Variants in DYM observed in about 807,000 individuals in gnomAD.
DYM encodes the protein dymeclin.
DYM carries 78 observed loss-of-function variants against 93.1 expected under a neutral mutation model. The ratio of observed to expected loss-of-function variants is 0.84; its 90% CI spans 0.70 to 1.01. DYM has a LOEUF of 1.01. Among genes scored for constraint, DYM ranks in the 50% least tolerant of loss-of-function variants. The pLI, the probability that DYM is intolerant of heterozygous loss-of-function variation, is 0.00. For missense variants in DYM, 789 were observed against 845.0 expected (o/e 0.93, Z 0.82); for synonymous variants, 321 against 319.7 (o/e 1.00, Z -0.04).
At chr18:49,442,335 A>G (rs1348930070) in intron 1 of DYM, among the ~76,000 whole-genome samples, 1 of 152,176 alleles carries the variant, frequency 6.6e-6, no homozygotes, top group African/African-American at 2.4e-5. Context: ...ACTTGAGCCC[A>G]GGACTTGGAG....
In DYM at chr18:49,333,816, T is replaced by G. The variant is rs763106797; in HGVS notation, c.532A>C (p.Thr178Pro). Residue 178 changes from threonine (T) to proline (P), a missense_variant, in exon 7 of 18, where the codon ACA (threonine) becomes CCA (proline). Coordinates refer to ENST00000675505, the MANE Select transcript of DYM (RefSeq NM_001353214.3). ...TYEISVEAISTMVVFLSCQLF... is the reference protein window; with the variant it reads ...TYEISVEAISPMVVFLSCQLF... ...TGGCAGGAAAGGAAAACAACCATTG[T>G]TGATATAGCTTCTACTGATATTTCA... The G allele has an allele frequency of 1.2e-6, 2 of 1,612,830 alleles. No individual in the cohort carries two copies. The highest frequency in any genetic ancestry group is 2.7e-5 in the African/African-American group (2 of 74,914).
At chr18:49,190,313 T>G (rs536665254) in intron 14 of DYM, among the ~76,000 whole-genome samples, 78 of 152,356 alleles carry the variant, frequency 5.1e-4, no homozygotes, top group Middle Eastern at 6.8e-3. Context: ...TTTAACATTT[T>G]ACAGAAAAGA....
At chr18:49,154,937 TG>T (rs2086231182) in intron 15 of DYM, among the ~76,000 whole-genome samples, 1 of 152,260 alleles carries the variant, frequency 6.6e-6, no homozygotes, top group Non-Finnish European at 1.5e-5. Context: ...CATACATGTA[TG>T]TATAAACTAC....
rs775458926 is a variant in DYM, at chr18:49,378,672, CAT to C, written c.314_315del (p.Asn105SerfsTer28). On this transcript the variant is annotated frameshift_variant, in exon 5 of 18. Coordinates refer to ENST00000675505, the MANE Select transcript of DYM (RefSeq NM_001353214.3). LOFTEE classifies it high-confidence loss of function. ...QNHIFIWQTH[N>X]ALFIICCLLK... ...AGCAAACAGCAAATAATAAACAAAG[CAT>C]TGTGTGTCTGCCAAATGAAGATGTG... is the stretch of plus-strand genomic sequence containing the variant. The C allele has an allele frequency of 6.2e-7, 1 of 1,613,244 alleles. No homozygotes were observed. Among genetic ancestry groups the C allele is most frequent in the South Asian group, 1.1e-5 (1 of 91,054 alleles).
At chr18:49,401,517 T>G (rs2070822059) in intron 2 of DYM, among the ~76,000 whole-genome samples, 1 of 152,184 alleles carries the variant, frequency 6.6e-6, no homozygotes, top group Non-Finnish European at 1.5e-5. Context: ...CATCCTCATC[T>G]CAAACATCTG....
intron 8 of DYM, among the ~76,000 whole-genome samples, chr18:49,301,365 A>C (rs975107857): frequency 3.6e-4 from 55 of 151,994 alleles, no homozygotes; most frequent in African/African-American, 1.3e-3. Context: ...CTAAAAATAC[A>C]AAAAAATTAG....
At chr18:49,209,417 A>G (rs954783707) in intron 14 of DYM, 134 bp downstream of exon 14, 14 of 591,746 alleles carry the variant, frequency 2.4e-5, no homozygotes, top group Non-Finnish European at 2.8e-5. Flanking sequence ...TTATTTTAAA[A>G]AAATTATTTA....
At chr18:49,129,408 T>C (rs942747506) in intron 15 of DYM, among the ~76,000 whole-genome samples, 1 of 152,168 alleles carries the variant, frequency 6.6e-6, no homozygotes, top group East Asian at 1.9e-4. Context: ...TTCATCAGAA[T>C]ATGATTTCAC....
intron 15 of DYM, among the ~76,000 whole-genome samples, chr18:49,130,988 C>T (rs12458127): frequency 0.11 from 15,971 of 152,090 alleles, 1,104 homozygotes; most frequent in East Asian, 0.25. Flanking sequence ...CTCAGCTTTC[C>T]CGTGAGAAAA....
intron 15 of DYM, among the ~76,000 whole-genome samples, chr18:49,127,390 G>A (rs190376845): frequency 1.8e-4 from 27 of 152,304 alleles, no homozygotes; most frequent in African/African-American, 6.0e-4. Context: ...AGTCAGAGTT[G>A]CCTCTCATTC....
chr18:49,180,968 C>T (rs1308235437), intron 14 of DYM, among the ~76,000 whole-genome samples: 1 of 152,116 alleles, frequency 6.6e-6, no homozygotes, highest in African/African-American at 2.4e-5. Context: ...TATATGTTAG[C>T]AACAAATTCT....
chr18:49,371,142 T>A (rs189903876), intron 5 of DYM, among the ~76,000 whole-genome samples: 2 of 152,150 alleles, frequency 1.3e-5, no homozygotes. Flanking sequence ...TGGCATCAGG[T>A]GTTACAGGCC....
chr18:49,287,254 A>G (rs1003444248), intron 8 of DYM, among the ~76,000 whole-genome samples: 2 of 151,826 alleles, frequency 1.3e-5, no homozygotes, highest in African/African-American at 4.8e-5. Flanking sequence ...AGAATTGTTC[A>G]CCATTTTAAA....
At chr18:49,230,330 T>C (rs1744894992) in intron 13 of DYM, among the ~76,000 whole-genome samples, 1 of 152,316 alleles carries the variant, frequency 6.6e-6, no homozygotes, top group South Asian at 2.1e-4. Context: ...TCAATTCTAA[T>C]GTCCTGTTCA....
chr18:49,459,345 T>C (rs2083275232), intron 1 of DYM, among the ~76,000 whole-genome samples: 1 of 152,166 alleles, frequency 6.6e-6, no homozygotes, highest in Non-Finnish European at 1.5e-5. Context: ...CTGAGAGGAT[T>C]ATCTAAAATA....
chr18:49,318,600 GACA>G (rs772853282), intron 8 of DYM, among the ~76,000 whole-genome samples: 12 of 150,488 alleles, frequency 8.0e-5, no homozygotes, highest in Non-Finnish European at 1.5e-4. Flanking sequence ...CCAGCCTGGT[GACA>G]CAGCAAGACT....
chr18:49,082,054 T>C, intron 17 of DYM, among the ~76,000 whole-genome samples: 1 of 152,246 alleles, frequency 6.6e-6, no homozygotes, highest in East Asian at 1.9e-4. Flanking sequence ...GACAGGCAGT[T>C]TGGGAATTCC....
chr18:49,084,148 C>T (rs187531312), intron 17 of DYM, among the ~76,000 whole-genome samples: 1 of 152,236 alleles, frequency 6.6e-6, no homozygotes, highest in East Asian at 1.9e-4. Flanking sequence ...ACCACTTGAG[C>T]CGCATCTCAC....
chr18:49,182,454 T>A (rs570522316), intron 14 of DYM, among the ~76,000 whole-genome samples: 5 of 152,350 alleles, frequency 3.3e-5, no homozygotes, highest in Admixed American at 3.3e-4. Context: ...TTGCTTCAAA[T>A]GTGTATGTTA....
Sources: allele counts gnomAD v4.1 joint callset (sites outside exome capture counted in the v4.1 genomes callset), GRCh38; gene constraint gnomAD v4.1.1; transcripts MANE v1.5; gene names NCBI Gene and HGNC (gene_info 2026-07-23, HGNC 2026-07-21).